The following C12orf42 variants were observed in gnomAD, a reference collection of about 807,000 sequenced individuals.
C12orf42 encodes the protein uncharacterized protein C12orf42.
In C12orf42, 25 loss-of-function variants were observed where a neutral mutation model predicts 21.6. The observed-to-expected ratio is 1.16, with a 90% CI of 0.84 to 1.62. C12orf42 has a LOEUF of 1.62. Ranked by LOEUF, C12orf42 falls within the 40% of genes most tolerant of loss-of-function variation. The pLI is 0.00. For synonymous variants in C12orf42, 174 were observed against 175.0 expected, an observed-to-expected ratio of 0.99 and a Z score of 0.05; for missense variants, 483 against 459.3, an observed-to-expected ratio of 1.05 and a Z score of -0.47.
At chr12:103,478,610 G>A (rs1592981846) in intron 1 of C12orf42, among the ~76,000 whole-genome samples, 163 bp from the exon 2 acceptor site, 1 of 143,106 alleles carries the variant, frequency 7.0e-6, no homozygotes, top group South Asian at 2.2e-4. Context: ...TTTTGGGGGA[G>A]ACAGGGTCAC....
chr12:103,376,638 T>C (rs1333525006), intron 3 of C12orf42, among the ~76,000 whole-genome samples: 1 of 152,186 alleles, frequency 6.6e-6, no homozygotes, highest in Non-Finnish European at 1.5e-5. Context: ...ACCATTATGT[T>C]CCTTTGTTTG....
At chr12:103,060,051 G>T in the C12orf42 span, among the ~76,000 whole-genome samples, 1 of 152,258 alleles carries the variant, frequency 6.6e-6, no homozygotes, top group African/African-American at 2.4e-5. Context: ...GTCTCTGTTT[G>T]CAGAAGACAT....
intron 4 of C12orf42, among the ~76,000 whole-genome samples, chr12:103,368,483 A>G (rs1162861011): frequency 6.6e-6 from 1 of 152,078 alleles, no homozygotes; most frequent in African/African-American, 2.4e-5. Context: ...AAGTCTGGCC[A>G]ATCAGAGCCA....
chr12:103,268,080 G>C (rs1203702658), downstream of C12orf42: 1 of 152,068 alleles, frequency 6.6e-6, no homozygotes, highest in Non-Finnish European at 1.5e-5. Context: ...AAAATCAAGA[G>C]TGATTATAGA....
At chr12:103,121,224 A>C in the C12orf42 span, among the ~76,000 whole-genome samples, 2 of 152,240 alleles carry the variant, frequency 1.3e-5, no homozygotes, top group African/African-American at 4.8e-5. Context: ...ATCTTCAAAG[A>C]AGTAAAAATA....
chr12:103,214,658 G>A, the C12orf42 span, among the ~76,000 whole-genome samples: 1 of 152,302 alleles, frequency 6.6e-6, no homozygotes, highest in Admixed American at 6.5e-5. Context: ...GATATTTTAG[G>A]GGGAAACATC....
intron 5 of C12orf42, among the ~76,000 whole-genome samples, chr12:103,272,953 C>T (rs965548995): frequency 2.6e-5 from 4 of 152,326 alleles, no homozygotes; most frequent in Admixed American, 2.6e-4. Flanking sequence ...TAGTAAATCA[C>T]AAGTTCATTA....
the C12orf42 span, among the ~76,000 whole-genome samples, chr12:103,110,590 T>C: frequency 6.6e-6 from 1 of 152,200 alleles, no homozygotes; most frequent in Non-Finnish European, 1.5e-5. Flanking sequence ...TGAGCTTTTT[T>C]TAAGGTTTGA....
At chr12:103,065,228 G>A in the C12orf42 span, among the ~76,000 whole-genome samples, 1 of 152,188 alleles carries the variant, frequency 6.6e-6, no homozygotes, top group African/African-American at 2.4e-5. Flanking sequence ...GAAAATAGAT[G>A]GATCTTGGAG....
the C12orf42 span, among the ~76,000 whole-genome samples, chr12:103,512,959 G>A: frequency 3.3e-5 from 5 of 151,100 alleles, no homozygotes; most frequent in East Asian, 1.9e-4. Flanking sequence ...CTGAGATTGC[G>A]CCATTGCACT....
At chr12:103,538,409 C>T in the C12orf42 span, among the ~76,000 whole-genome samples, 2 of 152,168 alleles carry the variant, frequency 1.3e-5, no homozygotes, top group African/African-American at 2.4e-5. Flanking sequence ...CCAATCCTTC[C>T]ACGTTTTCCT....
chr12:103,552,244 C>CT, the C12orf42 span, among the ~76,000 whole-genome samples: 1 of 152,200 alleles, frequency 6.6e-6, no homozygotes, highest in Non-Finnish European at 1.5e-5. Context: ...GACTGACTCA[C>CT]TATCTGTAGC....
At chr12:103,269,995 A>G (rs887601858) in intron 5 of C12orf42, 8 of 152,168 alleles carry the variant, frequency 5.3e-5, no homozygotes, top group African/African-American at 1.9e-4. Context: ...GTATGGTAAT[A>G]TATGAATAGA....
chr12:103,250,307 T>C (rs926395178), intron 10 of C12orf42, among the ~76,000 whole-genome samples: 2 of 152,076 alleles, frequency 1.3e-5, no homozygotes, highest in Admixed American at 1.3e-4. Context: ...CTCTTCCATG[T>C]TGGCTCCTTT....
chr12:103,491,582 G>T (rs1371082278), intron 1 of C12orf42, among the ~76,000 whole-genome samples: 1 of 152,194 alleles, frequency 6.6e-6, no homozygotes, highest in Non-Finnish European at 1.5e-5. Context: ...TTGCTTCCCT[G>T]TGCTCAGACA....
chr12:103,113,276 G>A, the C12orf42 span, among the ~76,000 whole-genome samples: 15 of 152,200 alleles, frequency 9.9e-5, no homozygotes, highest in East Asian at 1.7e-3. Context: ...TGCTTTCGGC[G>A]TCCTTCCATC....
At chr12:103,250,977 C>T (rs2034271508) in intron 10 of C12orf42, among the ~76,000 whole-genome samples, 1 of 152,022 alleles carries the variant, frequency 6.6e-6, no homozygotes, top group African/African-American at 2.4e-5. Flanking sequence ...CAAATTCAGA[C>T]CCCTCTTTGG....
chr12:103,561,372 C>T, the C12orf42 span, among the ~76,000 whole-genome samples: 7 of 152,164 alleles, frequency 4.6e-5, no homozygotes, highest in Non-Finnish European at 1.0e-4. Context: ...TCCTTTCTCA[C>T]GGTTCTAGAG....
At chr12:103,296,437 A>G (rs1028877841) in intron 4 of C12orf42, among the ~76,000 whole-genome samples, 3 of 152,178 alleles carry the variant, frequency 2.0e-5, no homozygotes, top group Non-Finnish European at 2.9e-5. Context: ...AGGAATCGCC[A>G]CAGTCTTCCA....
Sources: allele counts gnomAD v4.1 joint callset (sites outside exome capture counted in the v4.1 genomes callset), GRCh38; gene constraint gnomAD v4.1.1; transcripts MANE v1.5; gene names NCBI Gene and HGNC (gene_info 2026-07-23, HGNC 2026-07-21).